Variants in GBF1 observed in about 807,000 individuals in gnomAD.
The protein encoded by GBF1 is golgi brefeldin A resistant guanine nucleotide exchange factor 1.
In GBF1, 114 loss-of-function variants were observed where a neutral mutation model predicts 210.5. The observed-to-expected ratio is 0.54, with a 90% confidence interval of 0.47 to 0.63. GBF1 has a LOEUF of 0.63. GBF1 is among the 30% of genes least tolerant of loss of function. GBF1 has a pLI of 0.00. For missense variants in GBF1, 1,851 were observed against 2,357.7 expected, an observed-to-expected ratio of 0.79 and a Z score of 4.45; for synonymous variants, 850 against 889.2, an observed-to-expected ratio of 0.96 and a Z score of 0.78.
intron 3 of GBF1, among the ~76,000 whole-genome samples, chr10:102,340,506 C>G (rs907924577): frequency 2.6e-5 from 4 of 151,764 alleles, no homozygotes; most frequent in Admixed American, 6.6e-5. Context: ...ATCTCCTGAC[C>G]TTGTGATCCG....
upstream of GBF1, among the ~76,000 whole-genome samples, chr10:102,240,649 C>G (rs975845608): frequency 1.2e-4 from 19 of 152,228 alleles, no homozygotes; most frequent in African/African-American, 4.1e-4. Flanking sequence ...CTGTCCGCTC[C>G]GAGCCCCATG....
intron 3 of GBF1, among the ~76,000 whole-genome samples, chr10:102,301,826 G>A (rs1457646274): frequency 1.4e-4 from 22 of 152,170 alleles, no homozygotes; most frequent in African/African-American, 5.1e-4. Context: ...GACGATGGGC[G>A]GCCAGGCAGA....
At position 102,363,848 on chromosome 10, in the gene GBF1, G is replaced by A. The variant is rs564529875; in HGVS notation, c.2106+50G>A. ...CTGTCCACCTCTGTCTGGGTGTCCA[G>A]TGTTGTAGGGTTTCCATCTCAGAAG... On this transcript the variant is annotated intron_variant, in intron 17 of 39. Transcript: ENST00000369983. The surrounding 1 kb of genome is among the most constrained non-coding windows in gnomAD (Gnocchi z 4.2). 9.4e-7 allele frequency: 1 copy of A among 1,061,384 alleles called. No homozygotes were observed. The highest frequency in any genetic ancestry group is 1.3e-5 in the South Asian group (1 of 78,604). 65.7% of individuals were successfully genotyped at this position (1,061,384 alleles called of 1,614,324 possible).
At chr10:102,282,613 G>A (rs2075601045) in intron 3 of GBF1, among the ~76,000 whole-genome samples, 1 of 152,124 alleles carries the variant, frequency 6.6e-6, no homozygotes, top group Non-Finnish European at 1.5e-5. Context: ...TCTACCAAAG[G>A]AACTGATGGC....
chr10:102,336,072 C>T (rs2057709321), intron 3 of GBF1, among the ~76,000 whole-genome samples: 2 of 151,888 alleles, frequency 1.3e-5, no homozygotes, highest in Non-Finnish European at 2.9e-5. Flanking sequence ...GAGGCCGAGG[C>T]AGGCAGATCA....
At chr10:102,238,797 C>T in the GBF1 span, among the ~76,000 whole-genome samples, 2 of 152,138 alleles carry the variant, frequency 1.3e-5, no homozygotes, top group African/African-American at 4.8e-5. Flanking sequence ...AGATTCAAAC[C>T]ATCTAGTTCT....
chr10:102,234,261 C>T, the GBF1 span, among the ~76,000 whole-genome samples: 1 of 152,128 alleles, frequency 6.6e-6, no homozygotes, highest in Non-Finnish European at 1.5e-5. Context: ...CAGCTGTGCC[C>T]CCACTCCCCA....
chr10:102,233,955 T>C, the GBF1 span, among the ~76,000 whole-genome samples: 1 of 152,144 alleles, frequency 6.6e-6, no homozygotes, highest in Non-Finnish European at 1.5e-5. Flanking sequence ...TGGGCAATAC[T>C]GGGGCTCAAG....
intron 3 of GBF1, among the ~76,000 whole-genome samples, chr10:102,306,046 C>CTA (rs34969636): frequency 0.33 from 49,733 of 151,456 alleles, 8,725 homozygotes; most frequent in South Asian, 0.48. Context: ...AGCAAGGTTA[C>CTA]TATATATATA....
chr10:102,358,538 A>T lies in GBF1; in HGVS notation c.820A>T (p.Ile274Phe), dbSNP rs758138730. 3.1e-6 allele frequency: 5 copies of T among 1,613,890 alleles called. No homozygotes were observed. The highest frequency in any genetic ancestry group is 4.2e-6 in the Non-Finnish European group (5 of 1,179,804). Residue 274 changes from isoleucine (I) to phenylalanine (F), a missense_variant, in exon 10 of 40, where the codon ATC becomes TTC. Physicochemically the swap from Ile to Phe is conservative, Grantham distance 21. Coordinates refer to ENST00000369983, the MANE Select transcript of GBF1 (RefSeq NM_001377137.1). Reference protein sequence around the residue: ...GMPFIDVPTPISSASSEAASA... With the variant: ...GMPFIDVPTPFSSASSEAASA... ...GCCCTTCATTGATGTGCCCACTCCCATCTCCTCTGCAAGTTCAGAAGCTGC... is the reference window on the plus strand; with the variant it reads ...GCCCTTCATTGATGTGCCCACTCCCTTCTCCTCTGCAAGTTCAGAAGCTGC...
In GBF1 at chr10:102,363,689, C is replaced by A; in HGVS notation, c.2018-21C>A. The A allele has an allele frequency of 6.6e-7, 1 of 1,516,394 alleles. No individual in the cohort carries two copies. 93.9% of individuals were successfully genotyped at this position (1,516,394 alleles called of 1,614,324 possible). A position where few individuals can be genotyped will look rare whatever the true frequency, so the allele number is the denominator to read the frequency against. ...AAAAAAGGTGTTACAGATATTTCCC[C>A]CCTCTTCTTCCTACTCCTAGCTGAC... On this transcript the variant is annotated intron_variant, in intron 16 of 39. Transcript: ENST00000369983. The surrounding 1 kb of genome is among the most constrained non-coding windows in gnomAD (Gnocchi z 4.2).
chr10:102,287,348 T>TA (rs2076045931), intron 3 of GBF1, among the ~76,000 whole-genome samples: 1 of 66,666 alleles, frequency 1.5e-5, no homozygotes, highest in Non-Finnish European at 4.1e-5. Flanking sequence ...TATTTTCTTT[T>TA]TTTTTTTTTT....
intron 1 of GBF1, among the ~76,000 whole-genome samples, chr10:102,248,913 G>A (rs2071160067): frequency 6.6e-6 from 1 of 152,152 alleles, no homozygotes; most frequent in African/African-American, 2.4e-5. Flanking sequence ...GGGATTTTAG[G>A]AATGAACCAC....
intron 39 of GBF1, 61 bp downstream of exon 39, chr10:102,381,316 G>T: frequency 6.4e-7 from 1 of 1,562,484 alleles, no homozygotes; most frequent in Non-Finnish European, 8.8e-7. Context: ...CTAAGAGGAG[G>T]CCCAAGGGGG....
chr10:102,250,272 T>C (rs946412980), intron 1 of GBF1, among the ~76,000 whole-genome samples: 1 of 149,200 alleles, frequency 6.7e-6, no homozygotes, highest in Non-Finnish European at 1.5e-5. Context: ...CTCGGCTCAC[T>C]GCAACCTTTG....
chr10:102,236,795 C>T, the GBF1 span, among the ~76,000 whole-genome samples: 1 of 152,158 alleles, frequency 6.6e-6, no homozygotes, highest in African/African-American at 2.4e-5. Flanking sequence ...TAACCTGGAA[C>T]TCAAATAGGA....
intron 31 of GBF1, 37 bp from the exon 32 acceptor site, chr10:102,376,523 C>T (rs1435133381): frequency 6.2e-7 from 1 of 1,612,604 alleles, no homozygotes; most frequent in Non-Finnish European, 8.5e-7. Context: ...ACACAGGGGC[C>T]AAGCCTGTGT....
At position 102,322,718 on chromosome 10, in the gene GBF1, C is replaced by CAA. The variant is rs61470777; in HGVS notation, c.164-21308_164-21307dup. 1.1e-3 allele frequency among the ~76,000 whole-genome samples: 90 copies of CAA among 80,468 alleles called. 1 individual carries two copies. Among genetic ancestry groups the CAA allele is most frequent in the African/African-American group, 3.4e-3 (67 of 19,688 alleles). 52.8% of individuals were successfully genotyped at this position (80,468 alleles called of 152,430 possible). A position where few individuals can be genotyped will look rare whatever the true frequency, so the allele number is the denominator to read the frequency against. ...GCAACATAGTGAGATCTCATCTCTA[C>CAA]AAAAAAAAAAAAAAAAAAAAAAAAA... On this transcript the variant is annotated intron_variant, in intron 3 of 39. Transcript: ENST00000369983.
chr10:102,376,556 A>G lies in GBF1; in HGVS notation c.4048-4A>G. On this transcript the variant is annotated splice_polypyrimidine_tract_variant and splice_region_variant and intron_variant, in intron 31 of 39. Transcript: ENST00000369983. The stretch of plus-strand genomic sequence containing the variant: ...TGTCCCCAGCTCCTCTGTGTACTTT[A>G]CAGGTTGGGAAGGATGACGTTGATA... 1 of 1,613,918 alleles carries G rather than the reference A, an allele frequency of 6.2e-7. No homozygotes were observed. The highest frequency in any genetic ancestry group is 8.5e-7 in the Non-Finnish European group (1 of 1,179,936).
Sources: allele counts gnomAD v4.1 joint callset (sites outside exome capture counted in the v4.1 genomes callset), GRCh38; gene constraint gnomAD v4.1.1; non-coding constraint Gnocchi (gnomAD v3.1); transcripts MANE v1.5; gene names NCBI Gene and HGNC (gene_info 2026-07-23, HGNC 2026-07-21).